NKAIN2: variants seen among roughly 807,000 people sequenced by gnomAD.
The protein encoded by NKAIN2 is sodium/potassium transporting ATPase interacting 2, also known as sodium/potassium-transporting ATPase subunit beta-1-interacting protein 2.
NKAIN2 carries 14 observed loss-of-function variants against 32.6 expected under a neutral mutation model. The observed-to-expected ratio is 0.43, with a 90% CI of 0.28 to 0.67. The LOEUF is 0.67. NKAIN2 is among the 30% of genes least tolerant of loss of function. The pLI, the probability that NKAIN2 is intolerant of heterozygous loss-of-function variation, is 0.17. For missense variants in NKAIN2, 198 were observed against 258.3 expected, an observed-to-expected ratio of 0.77 and a Z score of 1.60; for synonymous variants, 80 against 87.2, an observed-to-expected ratio of 0.92 and a Z score of 0.46.
At chr6:123,828,976 G>C (rs984050743) in intron 1 of NKAIN2, 2 of 152,096 alleles carry the variant, frequency 1.3e-5, no homozygotes, top group Non-Finnish European at 2.9e-5. Context: ...AACTATGCCT[G>C]GCATTCTGTA....
chr6:124,484,699 A>G (rs1777583744), intron 3 of NKAIN2, among the ~76,000 whole-genome samples: 1 of 152,208 alleles, frequency 6.6e-6, no homozygotes, highest in Non-Finnish European at 1.5e-5. Context: ...ATATGTGTGT[A>G]TAAAAGCCCT....
At chr6:124,224,439 C>G (rs2689893) in intron 1 of NKAIN2, among the ~76,000 whole-genome samples, 3 of 151,894 alleles carry the variant, frequency 2.0e-5, no homozygotes, top group Non-Finnish European at 2.9e-5. Context: ...AAGACATTCA[C>G]ATCCTCTAAG....
intron 3 of NKAIN2, among the ~76,000 whole-genome samples, chr6:124,398,083 C>T (rs1773465021): frequency 6.6e-6 from 1 of 151,564 alleles, no homozygotes; most frequent in African/African-American, 2.4e-5. Context: ...GAAACCCCAT[C>T]TGTACTAAAA....
At chr6:124,302,976 A>G (rs949296411) in intron 2 of NKAIN2, among the ~76,000 whole-genome samples, 2 of 152,218 alleles carry the variant, frequency 1.3e-5, no homozygotes, top group Admixed American at 6.5e-5. Flanking sequence ...GAATGAGAGC[A>G]GCAGGAATTT....
intron 1 of NKAIN2, among the ~76,000 whole-genome samples, chr6:123,981,451 G>A (rs1009322118): frequency 2.0e-5 from 3 of 152,072 alleles, no homozygotes; most frequent in East Asian, 1.9e-4. Flanking sequence ...CATGCCCCAC[G>A]GTGCTAAATT....
intron 1 of NKAIN2, among the ~76,000 whole-genome samples, chr6:124,098,875 A>AAATAAT (rs963835092): frequency 6.6e-6 from 1 of 151,756 alleles, no homozygotes; most frequent in African/African-American, 2.4e-5. Flanking sequence ...GTTTCAAGAA[A>AAATAAT]AATAATAATA....
intron 3 of NKAIN2, among the ~76,000 whole-genome samples, chr6:124,644,507 C>A (rs1029243666): frequency 6.6e-6 from 1 of 151,942 alleles, no homozygotes; most frequent in East Asian, 1.9e-4. Flanking sequence ...CGGGTTCAAG[C>A]GATTCTCCTG....
At chr6:123,883,135 A>C (rs146842949) in intron 1 of NKAIN2, among the ~76,000 whole-genome samples, 58 of 152,184 alleles carry the variant, frequency 3.8e-4, no homozygotes, top group African/African-American at 1.3e-3. Context: ...TGTTCTCCTA[A>C]TAGTGAGTGA....
chr6:124,023,164 TAAGGA>T (rs1780950607), intron 1 of NKAIN2, among the ~76,000 whole-genome samples: 1 of 150,688 alleles, frequency 6.6e-6, no homozygotes, highest in African/African-American at 2.4e-5. Flanking sequence ...CCAGATGGGA[TAAGGA>T]AAGGAAAGGA....
intron 4 of NKAIN2, among the ~76,000 whole-genome samples, chr6:124,673,633 G>C (rs1032972473): frequency 2.6e-5 from 4 of 151,970 alleles, no homozygotes; most frequent in African/African-American, 9.7e-5. Flanking sequence ...TTTCCCGGAT[G>C]ATTAGTGATG....
chr6:124,236,941 T>C (rs1052657976), intron 1 of NKAIN2, among the ~76,000 whole-genome samples: 9 of 152,142 alleles, frequency 5.9e-5, no homozygotes, highest in African/African-American at 1.7e-4. Context: ...GAAAATGCAA[T>C]GTAAAAAAAG....
intron 1 of NKAIN2, among the ~76,000 whole-genome samples, chr6:124,151,829 T>C (rs1300257237): frequency 2.0e-5 from 3 of 151,954 alleles, no homozygotes; most frequent in African/African-American, 7.2e-5. Context: ...TTTACTAACT[T>C]TTTAAATAAG....
intron 3 of NKAIN2, among the ~76,000 whole-genome samples, chr6:124,463,150 CTAAG>C (rs1776600479): frequency 6.6e-6 from 1 of 151,916 alleles, no homozygotes; most frequent in Non-Finnish European, 1.5e-5. Context: ...AATTAAAAAA[CTAAG>C]TGTGTGTGTG....
intron 2 of NKAIN2, among the ~76,000 whole-genome samples, chr6:124,286,865 G>T (rs1346106940): frequency 6.6e-6 from 1 of 151,890 alleles, no homozygotes; most frequent in Admixed American, 6.6e-5. Flanking sequence ...TATTTTTTCA[G>T]TAGAGACGAG....
chr6:124,162,106 C>T (rs1475061760), intron 1 of NKAIN2, among the ~76,000 whole-genome samples: 1 of 152,006 alleles, frequency 6.6e-6, no homozygotes, highest in African/African-American at 2.4e-5. Context: ...GATGTTAAAT[C>T]TAGTTGTATC....
At chr6:124,585,149 G>A (rs369796974) in intron 3 of NKAIN2, among the ~76,000 whole-genome samples, 8 of 152,162 alleles carry the variant, frequency 5.3e-5, no homozygotes, top group Non-Finnish European at 1.2e-4. Context: ...AGATCCTATC[G>A]TTGGCAAAAA....
At chr6:124,271,099 CTT>C (rs1299672863) in intron 1 of NKAIN2, among the ~76,000 whole-genome samples, 2 of 152,054 alleles carry the variant, frequency 1.3e-5, no homozygotes, top group Admixed American at 6.6e-5. Context: ...CAGTTTTTTT[CTT>C]TCTCTCTCTC....
At chr6:123,972,917 G>T (rs768089766) in intron 1 of NKAIN2, among the ~76,000 whole-genome samples, 7 of 152,000 alleles carry the variant, frequency 4.6e-5, no homozygotes, top group Non-Finnish European at 8.8e-5. Context: ...CTGATACATA[G>T]TAAAAACACC....
At chr6:124,557,873 A>G (rs1780534262) in intron 3 of NKAIN2, among the ~76,000 whole-genome samples, 1 of 152,240 alleles carries the variant, frequency 6.6e-6, no homozygotes, top group South Asian at 2.1e-4. Context: ...TTAGGTTTCT[A>G]AAGTGACTCA....
Sources: gnomAD v4.1 joint callset for allele counts (sites outside exome capture counted in the v4.1 genomes callset) on GRCh38, gnomAD v4.1.1 for gene constraint, MANE v1.5 for transcripts, NCBI Gene and HGNC (gene_info 2026-07-23, HGNC 2026-07-21) for gene names.